ACADVL: variants seen among roughly 807,000 people sequenced by gnomAD.
The protein encoded by ACADVL is very long-chain acyl-CoA dehydrogenase, mitochondrial.
ACADVL carries 73 observed loss-of-function variants against 80.4 expected under a neutral mutation model. The ratio of observed to expected loss-of-function variants is 0.91; its 90% CI spans 0.75 to 1.10. ACADVL has a LOEUF of 1.10. ACADVL is among the 50% of genes least tolerant of loss of function. ACADVL has a pLI of 0.00. For synonymous variants in ACADVL, 392 were observed against 326.5 expected (o/e 1.20, Z -2.16); for missense variants, 878 against 858.9 (o/e 1.02, Z -0.28).
rs2142984490 is a variant in ACADVL at position 7,223,703 on chromosome 17, G to A, written c.1242G>A (p.Glu414=). ...MDQGATDFQI[E]AAISKIFGSE... ...AGGGAGCCACGGACTTCCAGATAGA[G>A]GCCGCCATCAGCAAAATCTTTGGCT... The change falls in exon 12 of 20, where the codon GAG becomes GAA. Residue 414 remains glutamate (E), a synonymous_variant. Transcript: ENST00000356839. 6.2e-7 allele frequency: 1 copy of A among 1,614,154 alleles called. No homozygotes were observed. The highest frequency in any genetic ancestry group is 1.7e-5 in the Admixed American group (1 of 60,016).
In ACADVL at chr17:7,220,022, A is replaced by T. The variant is rs529443594; in HGVS notation, c.38A>T (p.Gln13Leu). 5.6e-6 allele frequency: 9 copies of T among 1,605,460 alleles called. No individual in the cohort carries two copies. In the South Asian group the frequency reaches 9.9e-5, roughly 18 times the overall value. Residue 13 changes from glutamine to leucine, a missense_variant, in exon 1 of 20, where the codon CAG becomes CTG. Gln to Leu is a moderately radical substitution (Grantham distance 113). Coordinates refer to ENST00000356839, the MANE Select transcript of ACADVL (RefSeq NM_000018.4). ...AARMAASLGR[Q>L]LLRLGGGSSR... is the part of the protein sequence containing the mutation. ...CGGATGGCCGCGAGCTTGGGGCGGC[A>T]GCTGCTGAGGCTCGGGGGCGGAAGG... is the stretch of plus-strand genomic sequence containing the variant.
At position 7,223,692 on chromosome 17, in the gene ACADVL, T is replaced by C. The variant is rs1230956854; in HGVS notation, c.1231T>C (p.Phe411Leu). Residue 411 changes from phenylalanine (F) to leucine (L), a missense_variant, in exon 12 of 20, where the codon TTC becomes CTC. Phe to Leu is a conservative substitution (Grantham distance 22). Transcript: ENST00000356839. Reference sequence around the variant, plus strand: ...TAACATGGACCAGGGAGCCACGGACTTCCAGATAGAGGCCGCCATCAGCAA... The same window carrying C: ...TAACATGGACCAGGGAGCCACGGACCTCCAGATAGAGGCCGCCATCAGCAA... ...SANMDQGATD[F>L]QIEAAISKIF... is the part of the protein sequence containing the mutation. 6.2e-7 allele frequency: 1 copy of C among 1,614,014 alleles called. No individual in the cohort carries two copies.
chr17:7,219,368 A>G (rs1052364056), upstream of ACADVL: 2 of 1,007,692 alleles, frequency 2.0e-6, no homozygotes, highest in Non-Finnish European at 2.4e-6. Flanking sequence ...CAGAGGCTTT[A>G]CTAAGGGAGG....
In ACADVL at chr17:7,220,674, C is replaced by A; in HGVS notation, c.275C>A (p.Ser92Tyr). The A allele has an allele frequency of 6.2e-7, 1 of 1,614,218 alleles. No individual in the cohort carries two copies. Among genetic ancestry groups the A allele is most frequent in the Non-Finnish European group, 8.5e-7 (1 of 1,180,042 alleles). The change falls in exon 4 of 20, where the codon TCC (serine) becomes TAC (tyrosine). Residue 92 changes from serine (S) to tyrosine (Y), a missense_variant and splice_region_variant. By Grantham distance (144) the Ser-to-Tyr change is moderately radical. Transcript: ENST00000356839. ...ACAGATCAGGTGTTCCCATACCCGT[C>A]CGGTAAGGGAAGGGATAATCAGAGC... ...LTTDQVFPYP[S>Y]VLNEEQTQFL... is the part of the protein sequence containing the mutation.
Position 7,225,003 on chromosome 17 carries a change from CCT to C in ACADVL, c.1875_1876del (p.Trp626AlafsTer63). On this transcript the variant is annotated frameshift_variant, in exon 20 of 20. Coordinates refer to ENST00000356839, the MANE Select transcript of ACADVL (RefSeq NM_000018.4). LOFTEE classifies it high-confidence loss of function. ...GGCATGGCCGCCCTGCAGTCTGACCCCTGGCAGCAAGAGCTCTACCGCAACTT... is the reference window on the plus strand; with the variant it reads ...GGCATGGCCGCCCTGCAGTCTGACCCGGCAGCAAGAGCTCTACCGCAACTT... 1 of 1,614,142 alleles carries C rather than the reference CCT, an allele frequency of 6.2e-7. No individual in the cohort carries two copies. Among genetic ancestry groups the C allele is most frequent in the African/African-American group, 1.3e-5 (1 of 75,056 alleles).
intron 6 of ACADVL, 98 bp from the exon 7 acceptor site, chr17:7,221,425 CCCTAGGTCAGGAACT>C (rs2071213455): frequency 3.7e-6 from 1 of 270,622 alleles, no homozygotes; most frequent in African/African-American, 4.3e-4. Flanking sequence ...TCAGGCACTG[CCCTAGGTCAGGAACT>C]GCCCTAGGTC....
Position 7,221,059 on chromosome 17 carries a change from G to A in ACADVL, c.477+1G>A. On this transcript the variant is annotated splice_donor_variant, in intron 6 of 19. Coordinates refer to ENST00000356839, the MANE Select transcript of ACADVL (RefSeq NM_000018.4). LOFTEE classifies it high-confidence loss of function. ...TGGTGTGGGCCTTTGCAACACCCAG[G>A]TGAGGGCGCCCTATCGCCACATCCC... is the stretch of plus-strand genomic sequence containing the variant. 2 of 1,613,356 alleles carry A rather than the reference G, an allele frequency of 1.2e-6. No homozygotes were observed. The highest frequency in any genetic ancestry group is 2.2e-5 in the South Asian group (2 of 91,052).
chr17:7,224,287 G>T lies in ACADVL; in HGVS notation c.1533-34G>T, dbSNP rs777310160. ...CCAGGGGAGGGCAGGGTGGTGTATG[G>T]CAACTAACCAGTCATTCTCCCTCTT... On this transcript the variant is annotated intron_variant, in intron 15 of 19. Coordinates refer to ENST00000356839, the MANE Select transcript of ACADVL (RefSeq NM_000018.4). 4 of 1,613,454 alleles carry T rather than the reference G, an allele frequency of 2.5e-6. No homozygotes were observed. The Admixed American group carries it at 5.0e-5, about 20-fold the overall frequency.
upstream of ACADVL, chr17:7,218,704 A>T: frequency 1.3e-6 from 2 of 1,529,800 alleles, no homozygotes; most frequent in Non-Finnish European, 1.8e-6. Flanking sequence ...ACACACTGTC[A>T]CTTCATCTCC....
chr17:7,222,945 C>G (rs1447559241), intron 10 of ACADVL, 80 bp downstream of exon 10: 1 of 1,544,356 alleles, frequency 6.5e-7, no homozygotes, highest in East Asian at 2.3e-5. Context: ...TGATCACTTG[C>G]AGGCACTCCC....
At chr17:7,219,796 T>C (rs1234056234), upstream of ACADVL, 4 of 1,521,900 alleles carry the variant, frequency 2.6e-6, no homozygotes, top group Non-Finnish European at 3.5e-6. Context: ...TGGAGATCCC[T>C]CTAAGTCAGC....
rs774905326 is a variant in ACADVL at position 7,220,087 on chromosome 17, G to A, written c.63-35G>A. ...GAGGGACGGTGGGCAGCGGCCCTGG[G>A]CACCGGGCCGGCACTGAACCCCCAC... On this transcript the variant is annotated intron_variant, in intron 1 of 19. Transcript: ENST00000356839. 5.3e-4 allele frequency: 852 copies of A among 1,594,020 alleles called. 15 individuals carry two copies. In the Admixed American group the frequency reaches 0.014, roughly 27 times the overall value.
At chr17:7,218,791 G>A (rs781265872), upstream of ACADVL, 9 of 1,612,312 alleles carry the variant, frequency 5.6e-6, no homozygotes, top group Non-Finnish European at 6.8e-6. Flanking sequence ...CCCCCACTTC[G>A]CTCCCAGACC....
At position 7,225,183 on chromosome 17, in the gene ACADVL, C is replaced by T. The variant is rs894865234; in HGVS notation, c.*86C>T. 6.9e-6 allele frequency: 11 copies of T among 1,583,790 alleles called. No homozygotes were observed. Among genetic ancestry groups the T allele is most frequent in the Middle Eastern group, 2.0e-4 (1 of 5,004 alleles). Reference sequence around the variant, plus strand: ...CTTTCCTTAAGGCCCTGGTTTGTCCCGAAGGGGCCTAGTGTTCCCAGCACT... The same window carrying T: ...CTTTCCTTAAGGCCCTGGTTTGTCCTGAAGGGGCCTAGTGTTCCCAGCACT... On this transcript the variant is annotated 3_prime_UTR_variant, in exon 20 of 20. Coordinates refer to ENST00000356839, the MANE Select transcript of ACADVL (RefSeq NM_000018.4).
chr17:7,217,152 G>A, upstream of ACADVL: 3 of 1,291,284 alleles, frequency 2.3e-6, no homozygotes, highest in Non-Finnish European at 3.0e-6. Flanking sequence ...GTCCATGTTG[G>A]GGGGCCTGGC....
chr17:7,222,554 A>T, intron 9 of ACADVL, 113 bp from the exon 10 acceptor site: 1 of 1,238,722 alleles, frequency 8.1e-7, no homozygotes, highest in African/African-American at 1.5e-5. Flanking sequence ...TGTAGCCTCT[A>T]ATAGTCTAGT....
intron 6 of ACADVL, 91 bp from the exon 7 acceptor site, chr17:7,221,447 G>A: frequency 3.9e-6 from 1 of 253,166 alleles, no homozygotes; most frequent in Non-Finnish European, 5.6e-6. Flanking sequence ...AACTGCCCTA[G>A]GTCAGGAACT....
upstream of ACADVL, chr17:7,217,897 G>A (rs1340220907): frequency 6.5e-6 from 9 of 1,379,736 alleles, 1 homozygote; most frequent in Admixed American, 1.4e-4. Flanking sequence ...ACGGGAGGGA[G>A]GCCTCTCGGC....
chr17:7,223,308 C>G (rs1347075046), intron 11 of ACADVL, 71 bp downstream of exon 11: 1 of 1,383,948 alleles, frequency 7.2e-7, no homozygotes, highest in Admixed American at 1.7e-5. Context: ...ACTACAACCC[C>G]CAGCAGCACC....
Sources: gnomAD v4.1 joint callset for allele counts on GRCh38, gnomAD v4.1.1 for gene constraint, MANE v1.5 for transcripts, NCBI Gene and HGNC (gene_info 2026-07-23, HGNC 2026-07-21) for gene names.